PAK5: variants seen among roughly 807,000 people sequenced by gnomAD.
PAK5 encodes serine/threonine-protein kinase PAK 5.
PAK5 carries 16 observed loss-of-function variants against 65.9 expected under a neutral mutation model. The ratio of observed to expected loss-of-function variants is 0.24; its 90% CI spans 0.16 to 0.37. PAK5 has a LOEUF of 0.37. Among genes scored for constraint, PAK5 ranks in the 10% least tolerant of loss-of-function variants. The pLI, the probability that PAK5 is intolerant of heterozygous loss-of-function variation, is 1.00. For synonymous variants in PAK5, 371 were observed against 354.9 expected, an observed-to-expected ratio of 1.05 and a Z score of -0.51; for missense variants, 785 against 903.9, an observed-to-expected ratio of 0.87 and a Z score of 1.69.
chr20:9,683,644 G>A (rs1384745682), intron 2 of PAK5, among the ~76,000 whole-genome samples: 4 of 152,134 alleles, frequency 2.6e-5, no homozygotes, highest in Non-Finnish European at 5.9e-5. Context: ...CTAGGCACTG[G>A]TAGATGATGT....
intron 3 of PAK5, among the ~76,000 whole-genome samples, chr20:9,640,232 C>G (rs1416141369): frequency 8.4e-6 from 1 of 119,290 alleles, no homozygotes; most frequent in Non-Finnish European, 1.6e-5. Flanking sequence ...CCACAACAGT[C>G]CCTGGTGTGT....
At chr20:9,771,157 C>T (rs1012213308) in intron 1 of PAK5, among the ~76,000 whole-genome samples, 5 of 152,156 alleles carry the variant, frequency 3.3e-5, no homozygotes, top group Non-Finnish European at 5.9e-5. Flanking sequence ...ATTTTACAGA[C>T]GAGTAACTAA....
chr20:9,768,655 C>T (rs989238020), intron 1 of PAK5, among the ~76,000 whole-genome samples: 4 of 151,444 alleles, frequency 2.6e-5, no homozygotes, highest in South Asian at 2.1e-4. Context: ...TGGTGGCGCG[C>T]GGCTGTAGTC....
chr20:9,712,156 T>C (rs2048085291), intron 1 of PAK5, among the ~76,000 whole-genome samples: 2 of 151,912 alleles, frequency 1.3e-5, no homozygotes, highest in South Asian at 2.1e-4. Flanking sequence ...TTTCAAACCA[T>C]GGAAACACCA....
intron 4 of PAK5, among the ~76,000 whole-genome samples, chr20:9,573,755 G>A (rs2045835010): frequency 6.6e-6 from 1 of 152,230 alleles, no homozygotes; most frequent in Non-Finnish European, 1.5e-5. Flanking sequence ...CGACTGGGGT[G>A]TGTGGACACA....
chr20:9,780,210 CT>C (rs1453353886), intron 1 of PAK5, among the ~76,000 whole-genome samples: 4 of 151,382 alleles, frequency 2.6e-5, no homozygotes, highest in African/African-American at 4.9e-5. Context: ...TTCTAGAACC[CT>C]TTTCACCTCT....
At chr20:9,737,184 A>G (rs2048399186) in intron 1 of PAK5, among the ~76,000 whole-genome samples, 3 of 152,172 alleles carry the variant, frequency 2.0e-5, no homozygotes, top group Admixed American at 6.5e-5. Flanking sequence ...TTAAATGTAA[A>G]TGGTCTATAC....
chr20:9,741,939 G>T (rs1455369940), intron 1 of PAK5, among the ~76,000 whole-genome samples: 1 of 152,014 alleles, frequency 6.6e-6, no homozygotes, highest in Non-Finnish European at 1.5e-5. Context: ...GCTACCCTTG[G>T]AAGTAGCTAC....
chr20:9,789,335 A>G (rs2049025449), intron 1 of PAK5, among the ~76,000 whole-genome samples: 1 of 152,166 alleles, frequency 6.6e-6, no homozygotes, highest in African/African-American at 2.4e-5. Context: ...GATGGCTATC[A>G]AACTGCTCTC....
intron 1 of PAK5, among the ~76,000 whole-genome samples, chr20:9,754,122 T>G (rs2423462): frequency 3.6e-4 from 55 of 152,110 alleles, no homozygotes; most frequent in African/African-American, 1.3e-3. Flanking sequence ...TTAAGATAGT[T>G]AGCATCAGTT....
intron 1 of PAK5, among the ~76,000 whole-genome samples, chr20:9,736,838 A>C (rs1408709217): frequency 6.6e-6 from 1 of 152,232 alleles, no homozygotes; most frequent in Non-Finnish European, 1.5e-5. Context: ...AAACATGAAG[A>C]AAATGACACT....
intron 3 of PAK5, among the ~76,000 whole-genome samples, chr20:9,625,437 A>G (rs1445023266): frequency 2.6e-5 from 4 of 152,224 alleles, no homozygotes; most frequent in Non-Finnish European, 5.9e-5. Context: ...TAGTCCCCTC[A>G]CATCTTCCCT....
At chr20:9,786,032 G>A (rs1365762935) in intron 1 of PAK5, among the ~76,000 whole-genome samples, 1 of 152,108 alleles carries the variant, frequency 6.6e-6, no homozygotes, top group Non-Finnish European at 1.5e-5. Context: ...TAGTACATAA[G>A]CCTTTGTCCT....
At chr20:9,557,159 C>T (rs531998567) in intron 7 of PAK5, among the ~76,000 whole-genome samples, 1 of 152,274 alleles carries the variant, frequency 6.6e-6, no homozygotes, top group East Asian at 1.9e-4. Flanking sequence ...TCTACATCTG[C>T]CCACGCTTTT....
intron 1 of PAK5, among the ~76,000 whole-genome samples, chr20:9,722,490 T>C (rs2048227618): frequency 6.6e-6 from 1 of 151,748 alleles, no homozygotes; most frequent in Non-Finnish European, 1.5e-5. Context: ...CGGGCGCCTG[T>C]AGTCCCAGCT....
chr20:9,642,408 A>G (rs1308213937), intron 3 of PAK5, among the ~76,000 whole-genome samples: 1 of 152,164 alleles, frequency 6.6e-6, no homozygotes, highest in Non-Finnish European at 1.5e-5. Context: ...TTCTTATCCA[A>G]TGATAATGAT....
chr20:9,578,533 C>A (rs764032928), intron 4 of PAK5, among the ~76,000 whole-genome samples: 1 of 152,146 alleles, frequency 6.6e-6, no homozygotes, highest in Non-Finnish European at 1.5e-5. Flanking sequence ...TGACCCCAAA[C>A]AACTCCCTAA....
intron 6 of PAK5, among the ~76,000 whole-genome samples, chr20:9,559,296 A>G (rs2045558722): frequency 6.6e-6 from 1 of 152,198 alleles, no homozygotes; most frequent in African/African-American, 2.4e-5. Flanking sequence ...GCCCAAATTT[A>G]AGGACAAACT....
chr20:9,726,603 T>C (rs771967502), intron 1 of PAK5, among the ~76,000 whole-genome samples: 1 of 152,076 alleles, frequency 6.6e-6, no homozygotes, highest in Non-Finnish European at 1.5e-5. Flanking sequence ...AAAGTATAAA[T>C]AGAACTTTGA....
Sources: gnomAD v4.1 joint callset for allele counts (sites outside exome capture counted in the v4.1 genomes callset) on GRCh38, gnomAD v4.1.1 for gene constraint, MANE v1.5 for transcripts, NCBI Gene and HGNC (gene_info 2026-07-23, HGNC 2026-07-21) for gene names.